LDHB: variants seen among roughly 807,000 people sequenced by gnomAD.
The protein encoded by LDHB is lactate dehydrogenase B.
Under a neutral mutation model 33.4 loss-of-function variants are expected in LDHB, and 18 were observed. The ratio of observed to expected loss-of-function variants is 0.54; its 90% CI spans 0.37 to 0.80. LDHB has a LOEUF of 0.80. LDHB is among the 30% of genes least tolerant of loss of function. The probability of loss-of-function intolerance (pLI) is 0.00; values close to 1 mark genes in which losing one functional copy is unlikely to be tolerated. For synonymous variants in LDHB, 121 were observed against 140.6 expected, an observed-to-expected ratio of 0.86 and a Z score of 0.98; for missense variants, 345 against 407.9, an observed-to-expected ratio of 0.85 and a Z score of 1.33.
chr12:21,655,011 C>T (rs112570647), intron 1 of LDHB, among the ~76,000 whole-genome samples: 2,727 of 152,104 alleles, frequency 0.018, 77 homozygotes, highest in African/African-American at 0.062. Context: ...GTCCTAACTA[C>T]TCAGGAGGCT....
rs749685577 is a variant in LDHB at position 21,646,883 on chromosome 12, C to A, written c.247+16G>T. On this transcript the variant is annotated intron_variant, in intron 3 of 7. Transcript: ENST00000350669. ...GAAAAAAATATTAGATCACTTTGGG[C>A]ATTAAGTGAAATTACCTTTATCTGC... is the stretch of plus-strand genomic sequence containing the variant. 4 of 1,403,350 alleles carry A rather than the reference C, an allele frequency of 2.9e-6. No homozygotes were observed. Among genetic ancestry groups the A allele is most frequent in the Non-Finnish European group, 4.0e-6 (4 of 987,864 alleles). 86.9% of individuals were successfully genotyped at this position (1,403,350 alleles called of 1,614,324 possible).
intron 2 of LDHB, among the ~76,000 whole-genome samples, 183 bp from the exon 3 acceptor site, chr12:21,647,199 G>A (rs1276858973): frequency 1.3e-5 from 2 of 152,186 alleles, no homozygotes; most frequent in African/African-American, 2.4e-5. Context: ...TATACTTTAA[G>A]AACATGTAGA....
chr12:21,637,959 C>T (rs1650288), intron 6 of LDHB, among the ~76,000 whole-genome samples: 146,495 of 152,064 alleles, frequency 0.96, 70,781 homozygotes, highest in Middle Eastern at 1. Flanking sequence ...TCAGTTAGTC[C>T]TGTTATTAAA....
At chr12:21,656,402 C>T (rs12368587) in intron 1 of LDHB, among the ~76,000 whole-genome samples, 1 of 152,164 alleles carries the variant, frequency 6.6e-6, no homozygotes, top group Non-Finnish European at 1.5e-5. Context: ...ACATGGCCTG[C>T]ATTTTAAACA....
At chr12:21,655,657 G>C (rs1256466537) in intron 1 of LDHB, among the ~76,000 whole-genome samples, 1 of 152,062 alleles carries the variant, frequency 6.6e-6, no homozygotes, top group African/African-American at 2.4e-5. Context: ...TCGTTTCAGG[G>C]GATCACATTA....
intron 3 of LDHB, 109 bp from the exon 4 acceptor site, chr12:21,644,217 T>C (rs945091358): frequency 6.3e-6 from 5 of 794,354 alleles, no homozygotes; most frequent in Non-Finnish European, 1.0e-5. Context: ...CTAGAACATA[T>C]ATGTGAATTA....
chr12:21,643,647 G>C, intron 4 of LDHB: 1 of 392,422 alleles, frequency 2.5e-6, no homozygotes, highest in South Asian at 4.0e-5. Context: ...CTCCATCCCA[G>C]GATAATCTTT....
intron 5 of LDHB, among the ~76,000 whole-genome samples, chr12:21,641,513 T>C (rs1382590942): frequency 1.3e-5 from 2 of 152,134 alleles, no homozygotes. Context: ...GTAGATGTAA[T>C]GTGTGAGCCT....
At position 21,644,007 on chromosome 12, in the gene LDHB, C is replaced by A; in HGVS notation, c.349G>T (p.Val117Phe). 1 of 1,612,794 alleles carries A rather than the reference C, an allele frequency of 6.2e-7. No homozygotes were observed. Among genetic ancestry groups the A allele is most frequent in the Non-Finnish European group, 8.5e-7 (1 of 1,178,840 alleles). Residue 117 changes from valine (V) to phenylalanine (F), a missense_variant, in exon 4 of 8, where the codon GTC (valine) becomes TTC (phenylalanine). Transcript: ENST00000350669. ...RLNLVQRNVNVFKFIIPQIVK... is the reference protein window; with the variant it reads ...RLNLVQRNVNFFKFIIPQIVK... ...ATCTGAGGAATAATGAATTTGAAGACATTAACATTTCTCTGCACCAGATTG... is the reference window on the plus strand; with the variant it reads ...ATCTGAGGAATAATGAATTTGAAGAAATTAACATTTCTCTGCACCAGATTG...
At chr12:21,656,464 T>C (rs1938847398) in intron 1 of LDHB, among the ~76,000 whole-genome samples, 1 of 152,204 alleles carries the variant, frequency 6.6e-6, no homozygotes, top group Non-Finnish European at 1.5e-5. Context: ...CACACATGAA[T>C]AGTTGTTCTG....
Position 21,635,626 on chromosome 12 carries a change from C to T in LDHB, c.921G>A (p.Gln307=). The change falls in exon 8 of 8, where the codon CAG becomes CAA. Residue 307 remains glutamine, a synonymous_variant. Coordinates refer to ENST00000350669, the MANE Select transcript of LDHB (RefSeq NM_002300.8). ...NARGLTSVIN[Q]KLKDDEVAQL... ...GAGCAACCTCATCATCCTTTAGCTT[C>T]TGGTTGATAACGCTGGTTAATCCCC... The T allele has an allele frequency of 6.2e-7, 1 of 1,613,458 alleles. No individual in the cohort carries two copies. Among genetic ancestry groups the T allele is most frequent in the Middle Eastern group, 1.7e-4 (1 of 5,742 alleles).
chr12:21,642,953 A>G (rs910416222), intron 4 of LDHB, among the ~76,000 whole-genome samples: 4 of 152,200 alleles, frequency 2.6e-5, no homozygotes, highest in African/African-American at 4.8e-5. Flanking sequence ...TTGCATAATC[A>G]TTTAGTGACG....
rs1938262597 is a variant in LDHB at position 21,637,973 on chromosome 12, T to TA, written c.713+379dup. On this transcript the variant is annotated intron_variant, in intron 6 of 7. Transcript: ENST00000350669. ...ATCAGTTAGTCCTGTTATTAAAACT[T>TA]AAACACTGTTAGCAATCAGCAAGCA... Among the ~76,000 whole-genome samples, 3 of 152,174 alleles carry TA rather than the reference T, an allele frequency of 2.0e-5. No individual in the cohort carries two copies. The Middle Eastern group carries it at 0.01, about 518-fold the overall frequency.
intron 4 of LDHB, among the ~76,000 whole-genome samples, chr12:21,642,467 T>C (rs1274720487): frequency 6.6e-6 from 1 of 152,192 alleles, no homozygotes; most frequent in Non-Finnish European, 1.5e-5. Context: ...AGGTTGTCAG[T>C]TAAGTTTCCC....
At chr12:21,651,694 C>T (rs867359247) in intron 2 of LDHB, among the ~76,000 whole-genome samples, 1 of 152,198 alleles carries the variant, frequency 6.6e-6, no homozygotes, top group Non-Finnish European at 1.5e-5. Context: ...CAAACACCAA[C>T]ATGCAGTTAT....
At chr12:21,650,836 C>T (rs1650307) in intron 2 of LDHB, among the ~76,000 whole-genome samples, 107,070 of 152,076 alleles carry the variant, frequency 0.7, 38,134 homozygotes, top group East Asian at 0.87. Flanking sequence ...TGCCATGGAA[C>T]ATATCAGGAA....
chr12:21,643,604 T>C (rs1938431709), intron 4 of LDHB: 1 of 270,004 alleles, frequency 3.7e-6, no homozygotes, highest in African/African-American at 2.2e-5. Context: ...AAAATGTTTC[T>C]TACAAATTGA....
At chr12:21,650,947 A>G (rs192841291) in intron 2 of LDHB, among the ~76,000 whole-genome samples, 9 of 152,340 alleles carry the variant, frequency 5.9e-5, no homozygotes, top group Non-Finnish European at 7.4e-5. Flanking sequence ...CTGGGAAGGA[A>G]GTTTATTTTA....
In LDHB at chr12:21,644,025, C is replaced by A. The variant is rs1312554668; in HGVS notation, c.331G>T (p.Val111Leu). Residue 111 changes from valine to leucine, a missense_variant, in exon 4 of 8, where the codon GTG becomes TTG. Physicochemically the swap from Val to Leu is conservative, Grantham distance 32 (BLOSUM62 1). Coordinates refer to ENST00000350669, the MANE Select transcript of LDHB (RefSeq NM_002300.8). ...QQEGESRLNLVQRNVNVFKFI... is the reference protein window; with the variant it reads ...QQEGESRLNLLQRNVNVFKFI... ...TTGAAGACATTAACATTTCTCTGCA[C>A]CAGATTGAGCCGACTCTCCCCTTCT... is the stretch of plus-strand genomic sequence containing the variant. 1 of 1,612,084 alleles carries A rather than the reference C, an allele frequency of 6.2e-7. No individual in the cohort carries two copies.
Sources: gnomAD v4.1 joint callset for allele counts (sites outside exome capture counted in the v4.1 genomes callset) on GRCh38, gnomAD v4.1.1 for gene constraint, MANE v1.5 for transcripts, NCBI Gene and HGNC (gene_info 2026-07-23, HGNC 2026-07-21) for gene names.